The following FNDC3B variants were observed in gnomAD, a reference collection of about 807,000 sequenced individuals.
FNDC3B encodes the protein fibronectin type III domain-containing protein 3B.
In FNDC3B, 12 loss-of-function variants were observed where a neutral mutation model predicts 151.5. That is an observed-to-expected ratio of 0.08 (90% CI 0.05 to 0.13). The LOEUF (loss-of-function observed/expected upper bound fraction) is 0.13, where lower values mean the gene tolerates loss of function less well. Ranked by LOEUF, FNDC3B falls within the 10% of genes least tolerant of loss-of-function variation. The probability of loss-of-function intolerance (pLI) is 1.00; values close to 1 mark genes in which losing one functional copy is unlikely to be tolerated. For missense variants in FNDC3B, 1,214 were observed against 1,505.3 expected (o/e 0.81, Z 3.20); for synonymous variants, 528 against 549.0 (o/e 0.96, Z 0.54).
chr3:172,171,048 G>A (rs1723254860), intron 3 of FNDC3B, among the ~76,000 whole-genome samples: 1 of 152,198 alleles, frequency 6.6e-6, no homozygotes, highest in Non-Finnish European at 1.5e-5. Flanking sequence ...ATATACAAAG[G>A]CCTTCTGTGC....
chr3:172,045,316 A>G (rs1385237427), intron 1 of FNDC3B, among the ~76,000 whole-genome samples: 2 of 152,208 alleles, frequency 1.3e-5, no homozygotes, highest in Admixed American at 6.5e-5. Context: ...AAGTTGTACT[A>G]TACATAAGTT....
chr3:172,394,039 C>T lies in FNDC3B; in HGVS notation c.3304-3125C>T, dbSNP rs142792156. ...AGGAGAATGGTGTGAACCCAGGAGG[C>T]GGAGCTTGCAGTGAGCCAAGATCAT... is the stretch of plus-strand genomic sequence containing the variant. On this transcript the variant is annotated intron_variant, in intron 25 of 25. Transcript: ENST00000415807. 5.7e-3 allele frequency among the ~76,000 whole-genome samples: 742 copies of T among 129,622 alleles called. 8 individuals are homozygous for T. The highest frequency in any genetic ancestry group is 6.9e-3 in the Non-Finnish European group (441 of 64,236). 85.0% of individuals were successfully genotyped at this position (129,622 alleles called of 152,430 possible).
intron 2 of FNDC3B, among the ~76,000 whole-genome samples, chr3:172,122,131 G>A (rs1477056372): frequency 1.3e-5 from 2 of 152,212 alleles, no homozygotes; most frequent in Non-Finnish European, 2.9e-5. Flanking sequence ...CATGTAGGCA[G>A]ACTCTTTTCT....
chr3:172,304,996 G>A (rs1731124428), intron 9 of FNDC3B, among the ~76,000 whole-genome samples: 1 of 151,460 alleles, frequency 6.6e-6, no homozygotes, highest in Non-Finnish European at 1.5e-5. Context: ...ATATTTTTCA[G>A]TGAAGGCTTA....
At chr3:172,081,863 C>A (rs151142809) in intron 1 of FNDC3B, among the ~76,000 whole-genome samples, 6 of 152,254 alleles carry the variant, frequency 3.9e-5, no homozygotes, top group African/African-American at 1.2e-4. Context: ...TAATGCTTAC[C>A]TAATTGACTA....
intron 25 of FNDC3B, among the ~76,000 whole-genome samples, chr3:172,382,760 C>G (rs773747657): frequency 3.0e-4 from 46 of 152,110 alleles, no homozygotes; most frequent in Admixed American, 1.8e-3. Context: ...TCAGGTTTGT[C>G]AAAGATCAGA....
intron 2 of FNDC3B, among the ~76,000 whole-genome samples, chr3:172,124,828 A>G (rs1720730264): frequency 6.6e-6 from 1 of 152,170 alleles, no homozygotes; most frequent in Non-Finnish European, 1.5e-5. Context: ...AGGATTAGTG[A>G]CTATTGGGGA....
chr3:172,349,913 C>T (rs1022492188), intron 21 of FNDC3B, among the ~76,000 whole-genome samples: 1 of 152,132 alleles, frequency 6.6e-6, no homozygotes, highest in Non-Finnish European at 1.5e-5. Context: ...GCCTCAGCCT[C>T]GCAAAGTGCT....
At chr3:172,378,641 G>C (rs747872757) in intron 24 of FNDC3B, among the ~76,000 whole-genome samples, 1 of 152,206 alleles carries the variant, frequency 6.6e-6, no homozygotes, top group Non-Finnish European at 1.5e-5. Flanking sequence ...ACTTTTCTCT[G>C]TAGGTATGCA....
intron 23 of FNDC3B, among the ~76,000 whole-genome samples, chr3:172,376,081 A>C (rs1305764468): frequency 2.0e-5 from 3 of 152,206 alleles, no homozygotes; most frequent in African/African-American, 4.8e-5. Flanking sequence ...CATTGCTATC[A>C]GCTGTTTCCA....
intron 25 of FNDC3B, among the ~76,000 whole-genome samples, chr3:172,385,535 A>G (rs1735665887): frequency 6.6e-6 from 1 of 151,842 alleles, no homozygotes; most frequent in South Asian, 2.1e-4. Flanking sequence ...CTAATAGGAT[A>G]ATATCCTTTT....
chr3:172,309,457 C>T (rs1328346122), intron 10 of FNDC3B, among the ~76,000 whole-genome samples: 2 of 120,430 alleles, frequency 1.7e-5, no homozygotes, highest in Admixed American at 1.6e-4. Context: ...TTTGAGTTCT[C>T]ATCTTAGAGA....
chr3:172,369,788 C>G (rs1734794511), intron 23 of FNDC3B, among the ~76,000 whole-genome samples: 1 of 152,144 alleles, frequency 6.6e-6, no homozygotes, highest in African/African-American at 2.4e-5. Flanking sequence ...TCTGCTTCTC[C>G]ATAGACATGG....
At chr3:172,091,564 C>T (rs1009640927) in intron 1 of FNDC3B, among the ~76,000 whole-genome samples, 6 of 151,636 alleles carry the variant, frequency 4.0e-5, no homozygotes, top group Non-Finnish European at 8.8e-5. Context: ...AGTGTGTGTG[C>T]GTTTGTGTAT....
intron 3 of FNDC3B, among the ~76,000 whole-genome samples, chr3:172,177,798 T>C (rs1723687286): frequency 6.6e-6 from 1 of 152,016 alleles, no homozygotes; most frequent in Non-Finnish European, 1.5e-5. Flanking sequence ...ACCCATCGCC[T>C]AGGTATTAAG....
At chr3:172,130,730 G>T (rs1721042176) in intron 2 of FNDC3B, among the ~76,000 whole-genome samples, 1 of 152,158 alleles carries the variant, frequency 6.6e-6, no homozygotes, top group South Asian at 2.1e-4. Context: ...CTGGTGAATT[G>T]TATTTTCTGA....
At chr3:172,396,843 G>A (rs1157292733) in intron 25 of FNDC3B, among the ~76,000 whole-genome samples, 1 of 152,136 alleles carries the variant, frequency 6.6e-6, no homozygotes, top group Non-Finnish European at 1.5e-5. Context: ...AAAAGGTTGG[G>A]GACCGCTGAC....
At chr3:172,394,298 A>AATAATT (rs1052509461) in intron 25 of FNDC3B, among the ~76,000 whole-genome samples, 2 of 151,922 alleles carry the variant, frequency 1.3e-5, no homozygotes, top group Non-Finnish European at 2.9e-5. Flanking sequence ...TGAAAACAGA[A>AATAATT]ATAATTGAAG....
intron 1 of FNDC3B, among the ~76,000 whole-genome samples, chr3:172,103,660 G>C (rs1719482994): frequency 6.6e-6 from 1 of 152,142 alleles, no homozygotes; most frequent in Middle Eastern, 3.4e-3. Flanking sequence ...AATCTGAAGT[G>C]GTGGTGTTTT....
Sources: gnomAD v4.1 joint callset for allele counts (sites outside exome capture counted in the v4.1 genomes callset) on GRCh38, gnomAD v4.1.1 for gene constraint, MANE v1.5 for transcripts, NCBI Gene and HGNC (gene_info 2026-07-23, HGNC 2026-07-21) for gene names.